The following CNTNAP2 variants were observed in gnomAD, a reference collection of about 807,000 sequenced individuals.
CNTNAP2 encodes the protein contactin associated protein 2.
CNTNAP2 carries 98 observed loss-of-function variants against 155.2 expected under a neutral mutation model. The ratio of observed to expected loss-of-function variants is 0.63; its 90% CI spans 0.54 to 0.75. The LOEUF is 0.75. CNTNAP2 is among the 30% of genes least tolerant of loss of function. CNTNAP2 has a pLI of 0.00. For synonymous variants in CNTNAP2, 651 were observed against 631.2 expected (o/e 1.03, Z -0.47); for missense variants, 1,727 against 1,688.1 (o/e 1.02, Z -0.40).
At chr7:147,593,938 C>T (rs1319529668) in intron 12 of CNTNAP2, among the ~76,000 whole-genome samples, 1 of 152,084 alleles carries the variant, frequency 6.6e-6, no homozygotes, top group African/African-American at 2.4e-5. Flanking sequence ...TGTAGTAACC[C>T]ATTTATTCCT....
In CNTNAP2 at chr7:148,406,093, A is replaced by G. The variant is rs914523068; in HGVS notation, c.3716-3298A>G. Reference sequence around the variant, plus strand: ...TAAAAATACAAAAAATTAGCCGGGCATGTTGGCGGGCGCCTGTAGTCCCAG... The same window carrying G: ...TAAAAATACAAAAAATTAGCCGGGCGTGTTGGCGGGCGCCTGTAGTCCCAG... On this transcript the variant is annotated intron_variant, in intron 22 of 23. Transcript: ENST00000361727. Among the ~76,000 whole-genome samples, 20 of 151,764 alleles carry G rather than the reference A, an allele frequency of 1.3e-4. No homozygotes were observed. In the East Asian group the frequency reaches 2.2e-3, roughly 17 times the overall value.
At chr7:147,851,482 T>A (rs75863498) in intron 13 of CNTNAP2, among the ~76,000 whole-genome samples, 10,658 of 152,188 alleles carry the variant, frequency 0.07, 397 homozygotes, top group East Asian at 0.13. Flanking sequence ...CGTATGTTTA[T>A]TGCAGCACTA....
intron 13 of CNTNAP2, among the ~76,000 whole-genome samples, chr7:147,868,995 C>A (rs1192571549): frequency 6.6e-6 from 1 of 152,206 alleles, no homozygotes; most frequent in Non-Finnish European, 1.5e-5. Context: ...CCAATCAGTC[C>A]CAGTGCGATG....
At chr7:147,032,719 AAGG>A (rs1799059535) in intron 3 of CNTNAP2, among the ~76,000 whole-genome samples, 1 of 152,138 alleles carries the variant, frequency 6.6e-6, no homozygotes, top group African/African-American at 2.4e-5. Flanking sequence ...GAGAGAAAAA[AAGG>A]AGAGAGAAAA....
chr7:146,810,139 C>G (rs1426309719), intron 2 of CNTNAP2, among the ~76,000 whole-genome samples: 2 of 152,054 alleles, frequency 1.3e-5, no homozygotes, highest in African/African-American at 4.8e-5. Context: ...ATGGCATTAT[C>G]AAAGAGTAGT....
At chr7:146,532,817 G>T (rs1797788676) in intron 1 of CNTNAP2, among the ~76,000 whole-genome samples, 1 of 152,064 alleles carries the variant, frequency 6.6e-6, no homozygotes, top group African/African-American at 2.4e-5. Context: ...AGGCGTGGTG[G>T]ATCAGGCCTG....
chr7:146,575,139 G>A (rs1798504037), intron 1 of CNTNAP2, among the ~76,000 whole-genome samples: 1 of 152,072 alleles, frequency 6.6e-6, no homozygotes, highest in Non-Finnish European at 1.5e-5. Context: ...TATGTCAGAA[G>A]AACTTTTTTT....
intron 4 of CNTNAP2, among the ~76,000 whole-genome samples, chr7:147,061,470 G>A (rs766427079): frequency 2.1e-4 from 31 of 147,228 alleles, no homozygotes; most frequent in African/African-American, 2.9e-4. Context: ...CTGTTCTTTC[G>A]AAAGGCTTAC....
intron 1 of CNTNAP2, among the ~76,000 whole-genome samples, chr7:146,315,962 CTAAAT>C (rs1371694378): frequency 6.6e-6 from 1 of 152,136 alleles, no homozygotes; most frequent in African/African-American, 2.4e-5. Context: ...TAAAAAGTCT[CTAAAT>C]TAAGACATAA....
chr7:147,616,739 G>A (rs1186739884), intron 12 of CNTNAP2, among the ~76,000 whole-genome samples: 1 of 151,884 alleles, frequency 6.6e-6, no homozygotes, highest in African/African-American at 2.4e-5. Flanking sequence ...TTAGATATTT[G>A]TTTGTTTTCT....
At chr7:146,303,254 A>G (rs990664009) in intron 1 of CNTNAP2, among the ~76,000 whole-genome samples, 1 of 152,136 alleles carries the variant, frequency 6.6e-6, no homozygotes, top group African/African-American at 2.4e-5. Context: ...GTTTTCAAAC[A>G]TGAACAAAAA....
intron 16 of CNTNAP2, among the ~76,000 whole-genome samples, chr7:148,134,666 T>C (rs1804901094): frequency 6.6e-6 from 1 of 152,236 alleles, no homozygotes; most frequent in South Asian, 2.1e-4. Flanking sequence ...CTTATTTTGA[T>C]AAACTGAACT....
chr7:147,248,155 G>A (rs777844244), intron 8 of CNTNAP2, among the ~76,000 whole-genome samples: 10 of 152,152 alleles, frequency 6.6e-5, no homozygotes, highest in African/African-American at 9.7e-5. Flanking sequence ...TTCCGAAAAG[G>A]TTATAGGATT....
chr7:146,606,977 C>A (rs549134665), intron 1 of CNTNAP2, among the ~76,000 whole-genome samples: 1 of 152,210 alleles, frequency 6.6e-6, no homozygotes, highest in Non-Finnish European at 1.5e-5. Context: ...CAGTTTGTCC[C>A]AGGGCTAAGG....
intron 14 of CNTNAP2, among the ~76,000 whole-genome samples, chr7:147,919,705 G>A (rs963915921): frequency 9.3e-5 from 14 of 151,336 alleles, no homozygotes; most frequent in South Asian, 2.1e-4. Flanking sequence ...TGATCCGCCC[G>A]CCTCGGCCTC....
At chr7:146,985,974 A>G (rs1010344857) in intron 3 of CNTNAP2, among the ~76,000 whole-genome samples, 1 of 152,048 alleles carries the variant, frequency 6.6e-6, no homozygotes, top group African/African-American at 2.4e-5. Flanking sequence ...TTTTTTGGTA[A>G]CACTTTAGGT....
At chr7:146,580,035 C>T (rs2129147584) in intron 1 of CNTNAP2, among the ~76,000 whole-genome samples, 1 of 152,216 alleles carries the variant, frequency 6.6e-6, no homozygotes, top group East Asian at 1.9e-4. Flanking sequence ...TTCCCCTCAC[C>T]TAACCAATTA....
chr7:147,382,367 A>G (rs1796550974), intron 9 of CNTNAP2, among the ~76,000 whole-genome samples: 2 of 152,184 alleles, frequency 1.3e-5, no homozygotes, highest in Non-Finnish European at 2.9e-5. Flanking sequence ...AAAGAGGGCT[A>G]TTCAACAGGT....
intron 1 of CNTNAP2, among the ~76,000 whole-genome samples, chr7:146,289,152 G>A (rs982603624): frequency 2.0e-5 from 3 of 152,062 alleles, no homozygotes; most frequent in African/African-American, 7.2e-5. Context: ...TCAGACAAAT[G>A]AGAACCAATG....
Sources: gnomAD v4.1 joint callset for allele counts (sites outside exome capture counted in the v4.1 genomes callset) on GRCh38, gnomAD v4.1.1 for gene constraint, MANE v1.5 for transcripts, NCBI Gene and HGNC (gene_info 2026-07-23, HGNC 2026-07-21) for gene names.